SPATA16: variants seen among roughly 807,000 people sequenced by gnomAD.
The protein encoded by SPATA16 is spermatogenesis associated 16.
In SPATA16, 36 loss-of-function variants were observed where a neutral mutation model predicts 63.3. The ratio of observed to expected loss-of-function variants is 0.57; its 90% CI spans 0.44 to 0.75. The LOEUF is 0.75. Ranked by LOEUF, SPATA16 falls within the 30% of genes least tolerant of loss-of-function variation. The probability of loss-of-function intolerance (pLI) is 0.00; values close to 1 mark genes in which losing one functional copy is unlikely to be tolerated. For missense variants in SPATA16, 646 were observed against 679.3 expected (o/e 0.95, Z 0.54); for synonymous variants, 203 against 216.7 (o/e 0.94, Z 0.56).
intron 2 of SPATA16, among the ~76,000 whole-genome samples, chr3:173,074,829 C>G (rs897890750): frequency 4.6e-5 from 7 of 151,698 alleles, no homozygotes; most frequent in Non-Finnish European, 5.9e-5. Context: ...GAAATCCTGT[C>G]TCTACTAAAA....
At position 173,022,491 on chromosome 3, in the gene SPATA16, C is replaced by T. The variant is rs564618398; in HGVS notation, c.759-2916G>A. 2.4e-4 allele frequency among the ~76,000 whole-genome samples: 36 copies of T among 152,264 alleles called. No individual in the cohort carries two copies. The South Asian group carries it at 5.6e-3, about 24-fold the overall frequency. ...CAGCATTCACTGTGTGCTTATCTTA[C>T]GCCCCTGTTAGATATTTGGCAAGGA... is the stretch of plus-strand genomic sequence containing the variant. On this transcript the variant is annotated intron_variant, in intron 3 of 10. Coordinates refer to ENST00000351008, the MANE Select transcript of SPATA16 (RefSeq NM_031955.6).
intron 2 of SPATA16, among the ~76,000 whole-genome samples, chr3:173,053,547 CAT>C (rs1373919741): frequency 5.3e-5 from 8 of 152,128 alleles, no homozygotes; most frequent in Non-Finnish European, 1.0e-4. Context: ...ATACAAATAA[CAT>C]AAACCACATT....
At position 173,117,686 on chromosome 3, in the gene SPATA16, T is replaced by C. The variant is rs1015932981; in HGVS notation, c.46A>G (p.Ile16Val). ...SRSLENAVNR[I>V]YHDQLVPKIN... ...TTTGGAACAAGCTGATCATGATAGATCCTATTCACTGCATTCTCCAAACTC... is the reference window on the plus strand; with the variant it reads ...TTTGGAACAAGCTGATCATGATAGACCCTATTCACTGCATTCTCCAAACTC... The change falls in exon 2 of 11, where the codon ATC (isoleucine) becomes GTC (valine). Residue 16 changes from isoleucine to valine, a missense_variant. Ile to Val is a conservative substitution (Grantham distance 29, BLOSUM62 3). Coordinates refer to ENST00000351008, the MANE Select transcript of SPATA16 (RefSeq NM_031955.6). 4 of 1,613,996 alleles carry C rather than the reference T, an allele frequency of 2.5e-6. No individual in the cohort carries two copies. The Admixed American group carries it at 6.7e-5, about 27-fold the overall frequency.
chr3:173,043,573 T>G (rs1348822753), intron 3 of SPATA16, among the ~76,000 whole-genome samples: 1 of 151,982 alleles, frequency 6.6e-6, no homozygotes, highest in African/African-American at 2.4e-5. Flanking sequence ...GAAAAGAAAA[T>G]ACAGTCTTTT....
intron 1 of SPATA16, among the ~76,000 whole-genome samples, chr3:173,134,562 G>A (rs1022073385): frequency 5.3e-5 from 8 of 152,006 alleles, no homozygotes; most frequent in African/African-American, 1.9e-4. Context: ...TTGCATATCT[G>A]CTTCCTCTTT....
intron 8 of SPATA16, among the ~76,000 whole-genome samples, chr3:172,917,278 G>A (rs1024973888): frequency 1.4e-4 from 22 of 152,288 alleles, no homozygotes; most frequent in Middle Eastern, 6.8e-3. Context: ...GAGAGGCAAC[G>A]TTAGTCATGA....
chr3:173,127,675 G>C (rs1738263327), intron 1 of SPATA16, among the ~76,000 whole-genome samples: 1 of 152,238 alleles, frequency 6.6e-6, no homozygotes, highest in African/African-American at 2.4e-5. Context: ...GAATAATGTT[G>C]TGTGTTTCTC....
chr3:173,069,112 G>GAAAA (rs541801266), intron 2 of SPATA16, among the ~76,000 whole-genome samples: 2,457 of 109,028 alleles, frequency 0.023, 190 homozygotes, highest in African/African-American at 0.086. Flanking sequence ...TCCGTCTCAA[G>GAAAA]AAAAAAAAAA....
At chr3:172,940,097 C>T (rs1183258527) in intron 6 of SPATA16, among the ~76,000 whole-genome samples, 1 of 152,218 alleles carries the variant, frequency 6.6e-6, no homozygotes, top group Non-Finnish European at 1.5e-5. Flanking sequence ...CCACATCTCT[C>T]ACCCCTACTA....
chr3:173,129,901 A>G (rs780592384), intron 1 of SPATA16, among the ~76,000 whole-genome samples: 4 of 152,152 alleles, frequency 2.6e-5, no homozygotes, highest in Non-Finnish European at 2.9e-5. Context: ...CGGGTAATGA[A>G]TGAATAGTAT....
intron 5 of SPATA16, among the ~76,000 whole-genome samples, chr3:172,972,348 C>T (rs768075402): frequency 6.6e-6 from 1 of 152,152 alleles, no homozygotes; most frequent in Non-Finnish European, 1.5e-5. Flanking sequence ...CTTTCTACTG[C>T]TGTGAAAGTC....
chr3:172,904,627 A>T (rs2109550710), intron 10 of SPATA16, among the ~76,000 whole-genome samples: 1 of 152,358 alleles, frequency 6.6e-6, no homozygotes, highest in South Asian at 2.1e-4. Flanking sequence ...GTGGGTGATT[A>T]GCAAATGCAG....
intron 4 of SPATA16, among the ~76,000 whole-genome samples, chr3:173,010,841 T>G (rs954437271): frequency 6.6e-6 from 1 of 151,962 alleles, no homozygotes; most frequent in Non-Finnish European, 1.5e-5. Flanking sequence ...GTTCAGCCAG[T>G]GACCTGAGGC....
chr3:172,934,403 G>T (rs1577095352), intron 6 of SPATA16, among the ~76,000 whole-genome samples: 2 of 152,090 alleles, frequency 1.3e-5, no homozygotes. Context: ...GATAGATGAT[G>T]AAGCCATAAG....
At chr3:173,022,754 A>C (rs1437013687) in intron 3 of SPATA16, among the ~76,000 whole-genome samples, 1 of 152,102 alleles carries the variant, frequency 6.6e-6, no homozygotes, top group Non-Finnish European at 1.5e-5. Flanking sequence ...GAAAAAAAAA[A>C]AAACTACAAT....
At chr3:173,032,730 A>C (rs1196868200) in intron 3 of SPATA16, among the ~76,000 whole-genome samples, 1 of 152,028 alleles carries the variant, frequency 6.6e-6, no homozygotes, top group Non-Finnish European at 1.5e-5. Flanking sequence ...TTTTTTCTAC[A>C]TTTCTTCGAC....
intron 2 of SPATA16, among the ~76,000 whole-genome samples, chr3:173,105,298 A>C (rs766287445): frequency 1.1e-4 from 17 of 152,168 alleles, no homozygotes; most frequent in Non-Finnish European, 2.1e-4. Flanking sequence ...GGGTGTTCAG[A>C]CCCATTCTTG....
intron 5 of SPATA16, among the ~76,000 whole-genome samples, chr3:172,961,519 T>C (rs1733784666): frequency 6.6e-6 from 1 of 152,004 alleles, no homozygotes; most frequent in Admixed American, 6.6e-5. Context: ...TGCAGCCTCC[T>C]GAGTAGCTGG....
At chr3:172,974,503 C>T (rs1253317366) in intron 5 of SPATA16, among the ~76,000 whole-genome samples, 1 of 151,690 alleles carries the variant, frequency 6.6e-6, no homozygotes, top group Admixed American at 6.6e-5. Flanking sequence ...TTTAAAACCC[C>T]CTTCTGATTT....
Sources: allele counts gnomAD v4.1 joint callset (sites outside exome capture counted in the v4.1 genomes callset), GRCh38; gene constraint gnomAD v4.1.1; transcripts MANE v1.5; gene names NCBI Gene and HGNC (gene_info 2026-07-23, HGNC 2026-07-21).